The following GRIP1 variants were observed in gnomAD, a reference collection of about 807,000 sequenced individuals.
GRIP1 encodes glutamate receptor interacting protein 1.
Under a neutral mutation model 129.9 loss-of-function variants are expected in GRIP1, and 45 were observed. The ratio of observed to expected loss-of-function variants is 0.35; its 90% CI spans 0.27 to 0.44. The LOEUF (loss-of-function observed/expected upper bound fraction) is 0.44. Among genes scored for constraint, GRIP1 ranks in the 20% least tolerant of loss-of-function variants. The pLI, the probability that GRIP1 is intolerant of heterozygous loss-of-function variation, is 1.00. For missense variants in GRIP1, 1,196 were observed against 1,396.8 expected, an observed-to-expected ratio of 0.86 and a Z score of 2.29; for synonymous variants, 530 against 520.8, an observed-to-expected ratio of 1.02 and a Z score of -0.24.
At chr12:66,538,827 C>T (rs554784110) in intron 4 of GRIP1, among the ~76,000 whole-genome samples, 2 of 150,798 alleles carry the variant, frequency 1.3e-5, no homozygotes, top group South Asian at 2.1e-4. Flanking sequence ...GGTCTCGAAC[C>T]ACTGGGCTCA....
At chr12:66,993,123 AAT>A (rs1262537183) in intron 1 of GRIP1, among the ~76,000 whole-genome samples, 2 of 152,068 alleles carry the variant, frequency 1.3e-5, no homozygotes, top group Admixed American at 6.6e-5. Context: ...CAAAAAAAAA[AAT>A]ATCACAAAGG....
intron 23 of GRIP1, among the ~76,000 whole-genome samples, chr12:66,364,809 C>T (rs2055036648): frequency 6.6e-6 from 1 of 152,078 alleles, no homozygotes; most frequent in Non-Finnish European, 1.5e-5. Context: ...AACGCAACAG[C>T]TTCCGTCTTT....
At chr12:66,537,690 T>A (rs111616083) in intron 4 of GRIP1, among the ~76,000 whole-genome samples, 12 of 152,290 alleles carry the variant, frequency 7.9e-5, no homozygotes, top group African/African-American at 2.4e-4. Context: ...CTTACAAACA[T>A]GTTGAATTAA....
At chr12:66,869,637 A>G (rs2040263047) in intron 1 of GRIP1, among the ~76,000 whole-genome samples, 1 of 152,140 alleles carries the variant, frequency 6.6e-6, no homozygotes, top group Non-Finnish European at 1.5e-5. Flanking sequence ...GAGTGAAATG[A>G]AAAGTGACAG....
intron 14 of GRIP1, 83 bp downstream of exon 14, chr12:66,432,465 C>T (rs115938538): frequency 1.2e-6 from 1 of 823,038 alleles, no homozygotes; most frequent in Admixed American, 2.1e-5. Flanking sequence ...ACATATAAAA[C>T]ATTTGTTACA....
intron 1 of GRIP1, among the ~76,000 whole-genome samples, chr12:66,733,479 T>C (rs2036502887): frequency 6.6e-6 from 1 of 152,130 alleles, no homozygotes; most frequent in African/African-American, 2.4e-5. Flanking sequence ...TCCTTTGCCC[T>C]TCTTCCTCCA....
chr12:66,533,885 A>ACT lies in GRIP1; in HGVS notation c.419-3972_419-3971insAG, dbSNP rs201892079. On this transcript the variant is annotated intron_variant, in intron 4 of 24. Coordinates refer to ENST00000359742, the MANE Select transcript of GRIP1 (RefSeq NM_001366722.1). ...CACTCACACACACACACACATACAC[A>ACT]CACTCTCTCTCTCTCTCTCTTTTCT... Among the ~76,000 whole-genome samples, 858 of 129,666 alleles carry ACT rather than the reference A, an allele frequency of 6.6e-3. 7 individuals are homozygous for ACT. Among genetic ancestry groups the ACT allele is most frequent in the Non-Finnish European group, 8.6e-3 (496 of 57,380 alleles). 85.1% of individuals were successfully genotyped at this position (129,666 alleles called of 152,430 possible).
rs947790790 is a variant in GRIP1, at chr12:66,440,634, T to G, written c.1687+3950A>C. 3.3e-5 allele frequency among the ~76,000 whole-genome samples: 5 copies of G among 152,214 alleles called. No individual in the cohort carries two copies. The South Asian group carries it at 8.3e-4, about 25-fold the overall frequency. On this transcript the variant is annotated intron_variant, in intron 13 of 24. Transcript: ENST00000359742. Reference sequence around the variant, plus strand: ...AGGTCTTCTACCTTCTGTCCTGGACTTCTCTTTCTCATTCCTTTGTGGATC... The same window carrying G: ...AGGTCTTCTACCTTCTGTCCTGGACGTCTCTTTCTCATTCCTTTGTGGATC...
At chr12:66,528,014 T>C (rs998593376) in intron 5 of GRIP1, among the ~76,000 whole-genome samples, 4 of 152,150 alleles carry the variant, frequency 2.6e-5, no homozygotes, top group Non-Finnish European at 4.4e-5. Flanking sequence ...TATAGCTCCC[T>C]ATTGAAGCTC....
intron 1 of GRIP1, among the ~76,000 whole-genome samples, chr12:66,694,972 G>T (rs1171445502): frequency 6.6e-6 from 1 of 152,238 alleles, no homozygotes; most frequent in Non-Finnish European, 1.5e-5. Flanking sequence ...AAGCACTAAA[G>T]TCTTACTGAT....
At chr12:66,765,776 C>T (rs759159664) in intron 1 of GRIP1, among the ~76,000 whole-genome samples, 14 of 152,076 alleles carry the variant, frequency 9.2e-5, no homozygotes, top group Admixed American at 2.6e-4. Context: ...CTTTTATAAA[C>T]GGTGTGAAAA....
At chr12:66,839,162 G>GA (rs1192485654) in intron 1 of GRIP1, among the ~76,000 whole-genome samples, 1 of 151,718 alleles carries the variant, frequency 6.6e-6, no homozygotes, top group African/African-American at 2.4e-5. Context: ...AGGAAACAGA[G>GA]AAAAAATGAA....
chr12:66,390,790 G>T (rs1000062787), intron 19 of GRIP1, among the ~76,000 whole-genome samples: 7 of 152,176 alleles, frequency 4.6e-5, no homozygotes, highest in Non-Finnish European at 8.8e-5. Context: ...TGTGACTTCT[G>T]TCCTTTACTC....
chr12:66,462,075 C>G (rs899789704), intron 9 of GRIP1, among the ~76,000 whole-genome samples: 2 of 152,080 alleles, frequency 1.3e-5, no homozygotes, highest in African/African-American at 4.8e-5. Flanking sequence ...GTATAAACAC[C>G]CAGCAAATGT....
At chr12:66,436,718 C>T (rs906972210) in intron 13 of GRIP1, among the ~76,000 whole-genome samples, 2 of 152,132 alleles carry the variant, frequency 1.3e-5, no homozygotes, top group Non-Finnish European at 2.9e-5. Context: ...CGCAGTGGCT[C>T]ACACCTGTAA....
intron 1 of GRIP1, among the ~76,000 whole-genome samples, chr12:66,943,574 A>G (rs2041621461): frequency 6.6e-6 from 1 of 152,262 alleles, no homozygotes; most frequent in African/African-American, 2.4e-5. Flanking sequence ...ACAAAAGGAA[A>G]GAAAGGCAGT....
chr12:66,927,408 T>C (rs573512733), intron 1 of GRIP1, among the ~76,000 whole-genome samples: 3 of 152,328 alleles, frequency 2.0e-5, no homozygotes, highest in African/African-American at 7.2e-5. Flanking sequence ...CACATATTGA[T>C]TGAAGATAAA....
At position 66,723,259 on chromosome 12, in the gene GRIP1, C is replaced by T. The variant is rs1305657628; in HGVS notation, c.-420+80794G>A. On this transcript the variant is annotated intron_variant, in intron 1 of 4. Transcript: ENST00000538373. ...CTCTCTCTTCCTTCCTTCCTTCCTT[C>T]CTTCCTTCCTTCCTTCCTTCCTTCC... Among the ~76,000 whole-genome samples the T allele has an allele frequency of 3.8e-3, 31 of 8,136 alleles. 1 individual carries two copies. The highest frequency in any genetic ancestry group is 0.018 in the African/African-American group (30 of 1,624). The allele number at this position is 8,136 out of a possible 152,430, so 5.3% of individuals were successfully genotyped here. A position where few individuals can be genotyped will look rare whatever the true frequency, so the allele number is the denominator to read the frequency against.
intron 1 of GRIP1, among the ~76,000 whole-genome samples, chr12:66,656,046 G>A (rs949087679): frequency 6.6e-6 from 1 of 152,170 alleles, no homozygotes; most frequent in Non-Finnish European, 1.5e-5. Flanking sequence ...TAAATATATA[G>A]GGAATAATTG....
Sources: gnomAD v4.1 joint callset for allele counts (sites outside exome capture counted in the v4.1 genomes callset) on GRCh38, gnomAD v4.1.1 for gene constraint, MANE v1.5 for transcripts, NCBI Gene and HGNC (gene_info 2026-07-23, HGNC 2026-07-21) for gene names.